DIP2C: variants seen among roughly 807,000 people sequenced by gnomAD.
The protein encoded by DIP2C is DIP2 acetate--CoA ligase C (putative), also known as disco-interacting protein 2 homolog C.
A neutral mutation model predicts 192.4 loss-of-function variants in DIP2C; 33 were observed. That is an observed-to-expected ratio of 0.17 (90% CI 0.13 to 0.23). The LOEUF is 0.23. Ranked by LOEUF, DIP2C falls within the 10% of genes least tolerant of loss-of-function variation. The pLI, the probability that DIP2C is intolerant of heterozygous loss-of-function variation, is 1.00. For missense variants in DIP2C, 1,537 were observed against 2,110.1 expected, an observed-to-expected ratio of 0.73 and a Z score of 5.32; for synonymous variants, 979 against 864.1, an observed-to-expected ratio of 1.13 and a Z score of -2.33.
intron 1 of DIP2C, among the ~76,000 whole-genome samples, chr10:580,198 ATG>A (rs1217147436): frequency 6.6e-6 from 1 of 151,350 alleles, no homozygotes; most frequent in Non-Finnish European, 1.5e-5. Flanking sequence ...GTGTATACAT[ATG>A]CACATATATA....
intron 4 of DIP2C, among the ~76,000 whole-genome samples, chr10:436,083 T>A (rs1056434840): frequency 1.3e-5 from 2 of 152,246 alleles, no homozygotes; most frequent in Non-Finnish European, 2.9e-5. Context: ...TTATATTAAC[T>A]GGTGTCTTTC....
intron 3 of DIP2C, among the ~76,000 whole-genome samples, chr10:468,230 A>G (rs868265729): frequency 9.2e-5 from 14 of 152,216 alleles, no homozygotes; most frequent in African/African-American, 3.1e-4. Flanking sequence ...AAATTATAGT[A>G]TATCTAAATT....
At position 344,858 on chromosome 10, in the gene DIP2C, G is replaced by T. The variant is rs142423194; in HGVS notation, c.3404C>A (p.Ala1135Glu). Residue 1135 changes from alanine to glutamate, a missense_variant, in exon 28 of 37, where the codon GCA becomes GAA. By Grantham distance (107) the Ala-to-Glu change is moderately radical. This residue lies in a region of DIP2C where 46 missense variants were observed against 28.9 expected (regional missense o/e 1.59). Transcript: ENST00000280886. Reference protein sequence around the residue: ...ICKPCNPDTLAYLDFSVSTTG... With the variant: ...ICKPCNPDTLEYLDFSVSTTG... ...TGTGGACACGCTGAAGTCGAGATAT[G>T]CAAGAGTGTCTGGGTTGCAAGGTTT... 28 of 1,606,466 alleles carry T rather than the reference G, an allele frequency of 1.7e-5. No homozygotes were observed. The South Asian group carries it at 3.0e-4, about 17-fold the overall frequency.
intron 1 of DIP2C, among the ~76,000 whole-genome samples, chr10:499,539 G>A (rs1419251715): frequency 6.6e-6 from 1 of 152,200 alleles, no homozygotes; most frequent in Non-Finnish European, 1.5e-5. Flanking sequence ...TGTGCGAGGG[G>A]GAGGACAGGA....
chr10:579,817 GTGTACATGCATAGCATGTACACACATC>G (rs1012225774), intron 1 of DIP2C, among the ~76,000 whole-genome samples: 6 of 151,812 alleles, frequency 4.0e-5, no homozygotes, highest in African/African-American at 1.5e-4. Flanking sequence ...ACACTATAAT[GTGTACATGCATAGCATGTACACACATC>G]TGTACAGTGT....
At chr10:489,115 G>A (rs977657462) in intron 1 of DIP2C, among the ~76,000 whole-genome samples, 15 of 152,256 alleles carry the variant, frequency 9.9e-5, no homozygotes, top group African/African-American at 3.4e-4. Context: ...TGGATGCCAC[G>A]GCCCTGAGAC....
At chr10:453,935 G>A (rs1969068086) in intron 3 of DIP2C, among the ~76,000 whole-genome samples, 1 of 152,240 alleles carries the variant, frequency 6.6e-6, no homozygotes, top group African/African-American at 2.4e-5. Context: ...TAGAGCCTCT[G>A]TGCACAGCCC....
chr10:371,508 AAG>A (rs1056251583), intron 17 of DIP2C, among the ~76,000 whole-genome samples: 10 of 152,234 alleles, frequency 6.6e-5, no homozygotes, highest in African/African-American at 2.4e-4. Context: ...TGTAAGAGAA[AAG>A]AGAGGTCCTG....
chr10:304,793 G>GCA (rs1360454664), intron 32 of DIP2C, among the ~76,000 whole-genome samples: 113 of 149,802 alleles, frequency 7.5e-4, no homozygotes, highest in African/African-American at 2.6e-3. Flanking sequence ...ACTCACACTT[G>GCA]CACACACATG....
intron 1 of DIP2C, among the ~76,000 whole-genome samples, chr10:680,607 T>A (rs1193791581): frequency 6.6e-6 from 1 of 152,154 alleles, no homozygotes; most frequent in East Asian, 1.9e-4. Flanking sequence ...CACGGTCTAG[T>A]TTACCTGCTG....
chr10:514,780 C>T (rs980105644), intron 1 of DIP2C, among the ~76,000 whole-genome samples: 4 of 152,148 alleles, frequency 2.6e-5, no homozygotes, highest in South Asian at 4.1e-4. Flanking sequence ...GTAATCACCA[C>T]CCCCCTTCCA....
intron 1 of DIP2C, among the ~76,000 whole-genome samples, chr10:672,043 C>G (rs1224971195): frequency 1.4e-5 from 2 of 142,586 alleles, no homozygotes; most frequent in Non-Finnish European, 3.0e-5. Context: ...AAGGAGGAAA[C>G]AGGCCACAGA....
chr10:548,474 G>A (rs148045431), intron 1 of DIP2C, among the ~76,000 whole-genome samples: 3,136 of 150,386 alleles, frequency 0.021, 51 homozygotes, highest in Non-Finnish European at 0.035. Context: ...GAGGCAGGCA[G>A]GCAGGCAGTG....
intron 1 of DIP2C, among the ~76,000 whole-genome samples, chr10:491,714 A>C (rs778999467): frequency 2.0e-4 from 30 of 152,236 alleles, no homozygotes; most frequent in Non-Finnish European, 5.9e-5. Flanking sequence ...ACAGGATGTG[A>C]AGGTCTCAAA....
intron 31 of DIP2C, among the ~76,000 whole-genome samples, chr10:325,631 G>A (rs1284536701): frequency 6.6e-6 from 1 of 152,170 alleles, no homozygotes; most frequent in Non-Finnish European, 1.5e-5. Context: ...CTCCTAATGG[G>A]ATAGATGGCG....
intron 1 of DIP2C, among the ~76,000 whole-genome samples, chr10:497,055 T>C (rs559169962): frequency 2.6e-5 from 4 of 151,938 alleles, no homozygotes; most frequent in African/African-American, 9.7e-5. Context: ...ACCCAGGAGA[T>C]GGAGCTTGCA....
intron 24 of DIP2C, among the ~76,000 whole-genome samples, chr10:353,533 G>A (rs1322402583): frequency 2.0e-5 from 3 of 152,294 alleles, no homozygotes; most frequent in South Asian, 2.1e-4. Context: ...GGGATTACAG[G>A]CATGTGCCAA....
chr10:297,602 A>C (rs1353228542), intron 32 of DIP2C, among the ~76,000 whole-genome samples: 1 of 152,188 alleles, frequency 6.6e-6, no homozygotes, highest in Non-Finnish European at 1.5e-5. Flanking sequence ...GTTCTCACTC[A>C]TATGTGGAAG....
chr10:354,496 G>T (rs1054276282), intron 24 of DIP2C, among the ~76,000 whole-genome samples: 1 of 152,168 alleles, frequency 6.6e-6, no homozygotes, highest in Non-Finnish European at 1.5e-5. Context: ...TGTTGCCCAT[G>T]AACGTACCCA....
Sources: gnomAD v4.1 joint callset for allele counts (sites outside exome capture counted in the v4.1 genomes callset) on GRCh38, gnomAD v4.1.1 for gene constraint, gnomAD v4.1.1 regional missense constraint, MANE v1.5 for transcripts, NCBI Gene and HGNC (gene_info 2026-07-23, HGNC 2026-07-21) for gene names.